The following PDE1A variants were observed in gnomAD, a reference collection of about 807,000 sequenced individuals.
PDE1A encodes phosphodiesterase 1A, also known as dual specificity calcium/calmodulin-dependent 3',5'-cyclic nucleotide phosphodiesterase 1A.
In PDE1A, 35 loss-of-function variants were observed where a neutral mutation model predicts 61.7. The ratio of observed to expected loss-of-function variants is 0.57; its 90% CI spans 0.43 to 0.75. PDE1A has a LOEUF of 0.75. Among genes scored for constraint, PDE1A ranks in the 30% least tolerant of loss-of-function variants. The pLI is 0.00. For synonymous variants in PDE1A, 232 were observed against 213.2 expected (o/e 1.09, Z -0.77); for missense variants, 597 against 630.6 (o/e 0.95, Z 0.57).
intron 1 of PDE1A, among the ~76,000 whole-genome samples, chr2:182,269,650 G>C (rs573289097): frequency 6.6e-6 from 1 of 151,990 alleles, no homozygotes; most frequent in Non-Finnish European, 1.5e-5. Flanking sequence ...TCATTGAGGA[G>C]GAGGAGTTCT....
intron 1 of PDE1A, among the ~76,000 whole-genome samples, chr2:182,356,024 G>A (rs1156829428): frequency 3.9e-5 from 6 of 152,138 alleles, no homozygotes; most frequent in African/African-American, 7.2e-5. Flanking sequence ...ACAACTTTCA[G>A]GCAGCTACAG....
chr2:182,165,053 C>A (rs1046986284), downstream of PDE1A, among the ~76,000 whole-genome samples: 2 of 152,098 alleles, frequency 1.3e-5, no homozygotes, highest in African/African-American at 4.8e-5. Flanking sequence ...ACAGTACCAG[C>A]TAGGTGACAA....
intron 1 of PDE1A, among the ~76,000 whole-genome samples, chr2:182,403,865 G>A (rs911055317): frequency 1.3e-5 from 2 of 151,994 alleles, no homozygotes; most frequent in Non-Finnish European, 2.9e-5. Flanking sequence ...GATAGCATTA[G>A]GATAAATACC....
intron 2 of PDE1A, among the ~76,000 whole-genome samples, chr2:182,256,684 A>C (rs1691844099): frequency 6.6e-6 from 1 of 152,218 alleles, no homozygotes; most frequent in Non-Finnish European, 1.5e-5. Context: ...ATGCAGCCAT[A>C]AAAGGATGAC....
At chr2:182,271,099 T>A (rs1391786404) in intron 1 of PDE1A, among the ~76,000 whole-genome samples, 3 of 150,828 alleles carry the variant, frequency 2.0e-5, no homozygotes, top group Admixed American at 6.7e-5. Context: ...AATGGCATAA[T>A]GCACAGCATG....
At chr2:182,272,539 G>C (rs572058878) in intron 1 of PDE1A, among the ~76,000 whole-genome samples, 2 of 152,202 alleles carry the variant, frequency 1.3e-5, no homozygotes, top group Admixed American at 1.3e-4. Context: ...TTTTCAAGAA[G>C]CCACTGAGGA....
Position 182,168,321 on chromosome 2 carries a change from T to C in PDE1A, c.1517-31A>G, listed in dbSNP as rs201056961. On this transcript the variant is annotated intron_variant, in intron 13 of 13. Coordinates refer to ENST00000351439, the Ensembl canonical transcript of PDE1A. ...AAAAAAAAAAGCGTACTTATTTTAA[T>C]AATTTAGAGAAAATGCTGTAAAGAA... 54 of 1,552,596 alleles carry C rather than the reference T, an allele frequency of 3.5e-5. 1 individual carries two copies. In the African/African-American group the frequency reaches 6.0e-4, roughly 17 times the overall value.
intron 2 of PDE1A, among the ~76,000 whole-genome samples, chr2:182,499,749 A>T (rs1279270264): frequency 3.3e-5 from 5 of 152,210 alleles, no homozygotes; most frequent in African/African-American, 4.8e-5. Context: ...ATATATCTTC[A>T]CATATGAATT....
intron 13 of PDE1A, among the ~76,000 whole-genome samples, chr2:182,156,225 TTTATAA>T (rs149332129): frequency 0.033 from 4,950 of 152,214 alleles, 245 homozygotes; most frequent in African/African-American, 0.11. Context: ...ATAACTTAAG[TTTATAA>T]TTATTAAGAA....
chr2:182,538,498 T>C, the PDE1A span, among the ~76,000 whole-genome samples: 4 of 152,210 alleles, frequency 2.6e-5, no homozygotes, highest in South Asian at 6.2e-4. Context: ...GTTTATTTTT[T>C]CTCCAATTTT....
At chr2:182,340,869 C>A (rs1422266828) in intron 1 of PDE1A, among the ~76,000 whole-genome samples, 1 of 152,136 alleles carries the variant, frequency 6.6e-6, no homozygotes, top group Non-Finnish European at 1.5e-5. Flanking sequence ...ATGGATAAAT[C>A]AAACGGATCT....
At chr2:182,253,848 ACTTT>A (rs954809662) in intron 2 of PDE1A, among the ~76,000 whole-genome samples, 3 of 152,216 alleles carry the variant, frequency 2.0e-5, no homozygotes, top group Non-Finnish European at 4.4e-5. Flanking sequence ...CAAGTCAATT[ACTTT>A]CTTTATGCCT....
the PDE1A span, among the ~76,000 whole-genome samples, chr2:182,653,237 C>T: frequency 3.2e-4 from 49 of 152,142 alleles, no homozygotes; most frequent in Non-Finnish European, 6.9e-4. Context: ...TGAATTCCAT[C>T]CTGAGGTGGA....
At chr2:182,670,140 G>T in the PDE1A span, among the ~76,000 whole-genome samples, 1 of 152,110 alleles carries the variant, frequency 6.6e-6, no homozygotes, top group Admixed American at 6.6e-5. Flanking sequence ...GTATATAAGT[G>T]CCCAGTACAA....
At chr2:182,452,619 C>T (rs1035456816) in intron 2 of PDE1A, among the ~76,000 whole-genome samples, 4 of 152,102 alleles carry the variant, frequency 2.6e-5, no homozygotes, top group Admixed American at 2.6e-4. Flanking sequence ...TTTACTGGAA[C>T]AGATTGTTGC....
chr2:182,165,057 G>C (rs1240947871), downstream of PDE1A, among the ~76,000 whole-genome samples: 1 of 152,110 alleles, frequency 6.6e-6, no homozygotes, highest in African/African-American at 2.4e-5. Flanking sequence ...TACCAGCTAG[G>C]TGACAATATT....
intron 2 of PDE1A, among the ~76,000 whole-genome samples, chr2:182,520,628 T>G (rs1415226946): frequency 2.6e-5 from 4 of 151,924 alleles, no homozygotes; most frequent in Non-Finnish European, 2.9e-5. Context: ...CAAAATCACT[T>G]TTCAAATTTC....
chr2:182,172,129 T>C (rs976379762), intron 13 of PDE1A, among the ~76,000 whole-genome samples: 1 of 152,038 alleles, frequency 6.6e-6, no homozygotes, highest in African/African-American at 2.4e-5. Flanking sequence ...TTTAAGGTCA[T>C]TTAGCTAACA....
intron 13 of PDE1A, among the ~76,000 whole-genome samples, chr2:182,148,496 A>G (rs1690613767): frequency 6.6e-6 from 1 of 152,168 alleles, no homozygotes; most frequent in Non-Finnish European, 1.5e-5. Flanking sequence ...CTTGCCAAGG[A>G]CCATGGCTTT....
Sources: gnomAD v4.1 joint callset for allele counts (sites outside exome capture counted in the v4.1 genomes callset) on GRCh38, gnomAD v4.1.1 for gene constraint, MANE v1.5 for transcripts, NCBI Gene and HGNC (gene_info 2026-07-23, HGNC 2026-07-21) for gene names.